EMCN: variants seen among roughly 807,000 people sequenced by gnomAD.
EMCN encodes MUC-14.
In EMCN, 37 loss-of-function variants were observed where a neutral mutation model predicts 38.4. The ratio of observed to expected loss-of-function variants is 0.96; its 90% CI spans 0.74 to 1.27. The LOEUF is 1.27. EMCN is among the 50% of genes most tolerant of loss of function. The pLI is 0.00. For synonymous variants in EMCN, 95 were observed against 100.8 expected, an observed-to-expected ratio of 0.94 and a Z score of 0.35; for missense variants, 318 against 302.8, an observed-to-expected ratio of 1.05 and a Z score of -0.37.
At chr4:100,480,683 A>G (rs1728783638) in intron 1 of EMCN, among the ~76,000 whole-genome samples, 1 of 151,904 alleles carries the variant, frequency 6.6e-6, no homozygotes, top group South Asian at 2.1e-4. Context: ...GCCACCATAA[A>G]TCCACATTTT....
intron 4 of EMCN, among the ~76,000 whole-genome samples, chr4:100,447,789 A>T (rs1727719449): frequency 6.6e-6 from 1 of 152,016 alleles, no homozygotes; most frequent in South Asian, 2.1e-4. Context: ...TAAGGGCCAA[A>T]TTTTTTAGGT....
At position 100,475,659 on chromosome 4, in the gene EMCN, C is replaced by CTTTTTT. The variant is rs869169290; in HGVS notation, c.188-556_188-551dup. On this transcript the variant is annotated intron_variant, in intron 2 of 11. Coordinates refer to ENST00000296420, the MANE Select transcript of EMCN (RefSeq NM_016242.4). Reference sequence around the variant, plus strand: ...TTGAGGGCAGTATCCAATTCTAGTCCTTTTTTTTTTTTTTTTTTTTTTTTT... The same window carrying CTTTTTT: ...TTGAGGGCAGTATCCAATTCTAGTCCTTTTTTTTTTTTTTTTTTTTTTTTTTTTTTT... Among the ~76,000 whole-genome samples the CTTTTTT allele has an allele frequency of 3.0e-4, 18 of 60,312 alleles. 1 individual carries two copies. Among genetic ancestry groups the CTTTTTT allele is most frequent in the African/African-American group, 1.4e-3 (17 of 11,866 alleles). 39.6% of individuals were successfully genotyped at this position (60,312 alleles called of 152,430 possible). A position where few individuals can be genotyped will look rare whatever the true frequency, so the allele number is the denominator to read the frequency against.
chr4:100,404,247 G>T (rs796806471), intron 11 of EMCN, among the ~76,000 whole-genome samples: 31 of 152,198 alleles, frequency 2.0e-4, no homozygotes, highest in African/African-American at 7.0e-4. Context: ...AAAAGGTAAG[G>T]ATCCAGTTTT....
At chr4:100,501,990 G>A (rs1169467920) in intron 1 of EMCN, among the ~76,000 whole-genome samples, 1 of 151,934 alleles carries the variant, frequency 6.6e-6, no homozygotes, top group Non-Finnish European at 1.5e-5. Context: ...CAAGGAGTGG[G>A]GTTAAAAGTA....
At chr4:100,486,727 G>T in intron 1 of EMCN, 1 of 482,378 alleles carries the variant, frequency 2.1e-6, no homozygotes, top group Non-Finnish European at 2.7e-6. Flanking sequence ...GCTCTGGGGA[G>T]AACAGGAAGA....
rs569683916 is a variant in EMCN, at chr4:100,507,829, C to T, written c.64+10022G>A. On this transcript the variant is annotated intron_variant, in intron 1 of 11. Transcript: ENST00000296420. ...CTAGCCCCACGCCTAACAAATATCTCCCATTTGCATAAAAATGAGACCACA... is the reference window on the plus strand; with the variant it reads ...CTAGCCCCACGCCTAACAAATATCTTCCATTTGCATAAAAATGAGACCACA... 2.9e-3 allele frequency among the ~76,000 whole-genome samples: 438 copies of T among 152,232 alleles called. 1 individual carries two copies. The highest frequency in any genetic ancestry group is 0.01 in the African/African-American group (420 of 41,536).
At chr4:100,405,980 T>A (rs1427716488) in intron 11 of EMCN, among the ~76,000 whole-genome samples, 1 of 152,020 alleles carries the variant, frequency 6.6e-6, no homozygotes, top group African/African-American at 2.4e-5. Context: ...GGAATTTATC[T>A]ATTTCTTTTA....
chr4:100,517,724 CACTCA>C (rs1035757604), intron 1 of EMCN, 122 bp downstream of exon 1: 8 of 851,350 alleles, frequency 9.4e-6, no homozygotes, highest in Non-Finnish European at 1.2e-5. Flanking sequence ...AACATCCAAA[CACTCA>C]ACTCATCAAA....
rs78860543 is a variant in EMCN at position 100,399,941 on chromosome 4, T to C, written c.*40-1568A>G. ...CCCTCTACCCTCAAGAAGTCCCAGG[T>C]GTCTGTTGTTCCCTTCTTTGTGGAT... On this transcript the variant is annotated intron_variant, in intron 11 of 11. Coordinates refer to ENST00000296420, the MANE Select transcript of EMCN (RefSeq NM_016242.4). Among the ~76,000 whole-genome samples, 983 of 152,272 alleles carry C rather than the reference T, an allele frequency of 6.5e-3. 10 individuals are homozygous for C. Among genetic ancestry groups the C allele is most frequent in the Non-Finnish European group, 8.1e-3 (554 of 68,006 alleles).
At chr4:100,491,514 G>T (rs1401046039) in intron 1 of EMCN, among the ~76,000 whole-genome samples, 1 of 152,150 alleles carries the variant, frequency 6.6e-6, no homozygotes, top group East Asian at 1.9e-4. Context: ...GCTCCCCATA[G>T]GCAGGTGGGC....
intron 1 of EMCN, among the ~76,000 whole-genome samples, chr4:100,484,770 TG>T (rs562236786): frequency 6.6e-6 from 1 of 152,310 alleles, no homozygotes; most frequent in East Asian, 1.9e-4. Context: ...ATAAATTTTT[TG>T]GTATCCTAAT....
intron 11 of EMCN, among the ~76,000 whole-genome samples, chr4:100,410,021 T>C (rs1726508136): frequency 6.6e-6 from 1 of 152,200 alleles, no homozygotes; most frequent in Admixed American, 6.5e-5. Flanking sequence ...CAAGGAAACA[T>C]TAACAACAGG....
At chr4:100,459,201 CT>C in intron 4 of EMCN, among the ~76,000 whole-genome samples, 3 of 33,368 alleles carry the variant, frequency 9.0e-5, no homozygotes, top group African/African-American at 1.8e-4. Context: ...CTCTCTCTCT[CT>C]CTCTCTCTCT....
Position 100,452,838 on chromosome 4 carries a change from C to A in EMCN, c.377-5267G>T, listed in dbSNP as rs1271557848. On this transcript the variant is annotated intron_variant, in intron 4 of 11. Coordinates refer to ENST00000296420, the MANE Select transcript of EMCN (RefSeq NM_016242.4). ...CTGGTACCAAAACAGAGATATAGAC[C>A]AATGGAACAGAACAGAGCCCTCAGA... 3.3e-5 allele frequency among the ~76,000 whole-genome samples: 5 copies of A among 152,112 alleles called. No homozygotes were observed. The East Asian group carries it at 9.7e-4, about 30-fold the overall frequency.
At chr4:100,442,098 T>C (rs917023129) in intron 5 of EMCN, among the ~76,000 whole-genome samples, 2 of 152,228 alleles carry the variant, frequency 1.3e-5, no homozygotes, top group Non-Finnish European at 2.9e-5. Flanking sequence ...GATGAATTCC[T>C]TCAGCTTTTC....
intron 1 of EMCN, among the ~76,000 whole-genome samples, chr4:100,515,482 T>A (rs1729728046): frequency 6.6e-6 from 1 of 152,128 alleles, no homozygotes; most frequent in Admixed American, 6.6e-5. Flanking sequence ...AAGATTCCCT[T>A]GATTTTCACA....
At chr4:100,475,954 G>A (rs569660713) in intron 2 of EMCN, among the ~76,000 whole-genome samples, 13 of 151,816 alleles carry the variant, frequency 8.6e-5, no homozygotes, top group South Asian at 8.3e-4. Flanking sequence ...GATTACAGGC[G>A]TGAGCCACTG....
At chr4:100,402,830 T>C (rs1726292371) in intron 11 of EMCN, among the ~76,000 whole-genome samples, 1 of 152,138 alleles carries the variant, frequency 6.6e-6, no homozygotes. Flanking sequence ...TTTTTCTTTT[T>C]TTTCCAACTG....
chr4:100,443,654 C>T (rs1332779965), intron 5 of EMCN, among the ~76,000 whole-genome samples: 1 of 152,180 alleles, frequency 6.6e-6, no homozygotes, highest in Non-Finnish European at 1.5e-5. Context: ...AGGTCATGGG[C>T]TCAGGGTCTT....
Sources: gnomAD v4.1 joint callset for allele counts (sites outside exome capture counted in the v4.1 genomes callset) on GRCh38, gnomAD v4.1.1 for gene constraint, MANE v1.5 for transcripts, NCBI Gene and HGNC (gene_info 2026-07-23, HGNC 2026-07-21) for gene names.